The following ASXL2 variants were observed in gnomAD, a reference collection of about 807,000 sequenced individuals.
The protein encoded by ASXL2 is ASXL transcriptional regulator 2, also known as putative Polycomb group protein ASXL2.
Under a neutral mutation model 122.0 loss-of-function variants are expected in ASXL2, and 23 were observed. The observed-to-expected ratio is 0.19, with a 90% CI of 0.14 to 0.27. The LOEUF (loss-of-function observed/expected upper bound fraction) is 0.27, where lower values mean the gene tolerates loss of function less well. Ranked by LOEUF, ASXL2 falls within the 10% of genes least tolerant of loss-of-function variation. The pLI is 1.00. For synonymous variants in ASXL2, 650 were observed against 637.0 expected, an observed-to-expected ratio of 1.02 and a Z score of -0.31; for missense variants, 1,518 against 1,713.8, an observed-to-expected ratio of 0.89 and a Z score of 2.02.
intron 5 of ASXL2, among the ~76,000 whole-genome samples, chr2:25,789,011 G>A (rs1423902573): frequency 6.6e-6 from 1 of 151,536 alleles, no homozygotes; most frequent in Non-Finnish European, 1.5e-5. Flanking sequence ...ATATTTTCTT[G>A]GCTTTTCTGA....
Position 25,747,798 on chromosome 2 carries a change from G to A in ASXL2, c.1860+1898C>T, listed in dbSNP as rs564647233. Among the ~76,000 whole-genome samples the A allele has an allele frequency of 1.2e-4, 19 of 152,072 alleles. No individual in the cohort carries two copies. In the East Asian group the frequency reaches 2.7e-3, roughly 22 times the overall value. On this transcript the variant is annotated intron_variant, in intron 12 of 12. Transcript: ENST00000435504. ...TATAATAAAAATCAGAATCTCTGGC[G>A]ATGCATGTTAATGGTAGAAAAAAAA... is the stretch of plus-strand genomic sequence containing the variant.
rs1293416565 is a variant in ASXL2 at position 25,736,089 on chromosome 2, T to G, written c.*5940A>C. 6.6e-6 allele frequency: 1 copy of G among 152,230 alleles called. No individual in the cohort carries two copies. The highest frequency in any genetic ancestry group is 2.4e-5 in the African/African-American group (1 of 41,468). 9.4% of individuals were successfully genotyped at this position (152,230 alleles called of 1,614,324 possible). ...TGCACAGTAGGTGCTCTATAAATAC[T>G]TGAATTAGTAAATAACATGATTTGT... On this transcript the variant is annotated 3_prime_UTR_variant, in exon 13 of 13. Coordinates refer to ENST00000435504, the MANE Select transcript of ASXL2 (RefSeq NM_018263.6).
chr2:25,739,368 TG>T lies in ASXL2; in HGVS notation c.*2660del. On this transcript the variant is annotated 3_prime_UTR_variant, in exon 13 of 13. Coordinates refer to ENST00000435504, the MANE Select transcript of ASXL2 (RefSeq NM_018263.6). ...TTTTCTAAAAGGCCAGATTGTAATG[TG>T]TTTTTTTTTTTTTTAATTTTTCTGT... is the stretch of plus-strand genomic sequence containing the variant. 1 of 174,406 alleles carries T rather than the reference TG, an allele frequency of 5.7e-6. No individual in the cohort carries two copies. The highest frequency in any genetic ancestry group is 1.2e-5 in the Non-Finnish European group (1 of 81,456). The allele number at this position is 174,406 out of a possible 1,614,324, so 10.8% of individuals were successfully genotyped here. A position where few individuals can be genotyped will look rare whatever the true frequency, so the allele number is the denominator to read the frequency against.
rs143352675 is a variant in ASXL2, at chr2:25,856,363, C to T, written c.58-10800G>A. 81 of 235,922 alleles carry T rather than the reference C, an allele frequency of 3.4e-4. 2 individuals are homozygous for T. Among genetic ancestry groups the T allele is most frequent in the African/African-American group, 4.9e-4 (10 of 20,488 alleles). 14.6% of individuals were successfully genotyped at this position (235,922 alleles called of 1,614,324 possible). A position where few individuals can be genotyped will look rare whatever the true frequency, so the allele number is the denominator to read the frequency against. ...TGAGCCACTGCTCACCTGGCCTATA[C>T]TTTTTTTTTTTTTTTTTTTTTGACA... On this transcript the variant is annotated intron_variant, in intron 1 of 12. Coordinates refer to ENST00000435504, the MANE Select transcript of ASXL2 (RefSeq NM_018263.6).
At position 25,845,580 on chromosome 2, in the gene ASXL2, T is replaced by C. The variant is rs780426661; in HGVS notation, c.58-17A>G. 1.9e-6 allele frequency: 2 copies of C among 1,050,752 alleles called. No homozygotes were observed. Among genetic ancestry groups the C allele is most frequent in the Admixed American group, 3.6e-5 (1 of 27,466 alleles). 65.1% of individuals were successfully genotyped at this position (1,050,752 alleles called of 1,614,324 possible). On this transcript the variant is annotated splice_polypyrimidine_tract_variant and intron_variant, in intron 1 of 12. Coordinates refer to ENST00000435504, the MANE Select transcript of ASXL2 (RefSeq NM_018263.6). ...TTCTAAGACCTGAAAAACAAGTATA[T>C]AATAATAAATTATTTCTTATTTCAA...
At chr2:25,829,249 G>A (rs115941755) in intron 3 of ASXL2, among the ~76,000 whole-genome samples, 241 of 151,934 alleles carry the variant, frequency 1.6e-3, no homozygotes, top group African/African-American at 5.7e-3. Context: ...GACAAACAGA[G>A]AGACAGAGAC....
rs200004719 is a variant in ASXL2, at chr2:25,735,252, A to T, written c.*6777T>A. On this transcript the variant is annotated 3_prime_UTR_variant, in exon 13 of 13. Transcript: ENST00000435504. ...AGTCTATACAGTCTCTATGAAAAAC[A>T]AAAGCAAAACTCAATCTATTATTAA... 1 of 152,228 alleles carries T rather than the reference A, an allele frequency of 6.6e-6. No individual in the cohort carries two copies. The highest frequency in any genetic ancestry group is 1.9e-4 in the East Asian group (1 of 5,200). 9.4% of individuals were successfully genotyped at this position (152,228 alleles called of 1,614,324 possible).
chr2:25,786,816 C>G (rs2088756169), intron 5 of ASXL2, among the ~76,000 whole-genome samples: 1 of 152,030 alleles, frequency 6.6e-6, no homozygotes, highest in South Asian at 2.1e-4. Context: ...GATCACACCA[C>G]TGCACTCCAG....
chr2:25,754,288 C>T (rs965853340), intron 10 of ASXL2, among the ~76,000 whole-genome samples: 1 of 152,208 alleles, frequency 6.6e-6, no homozygotes, highest in African/African-American at 2.4e-5. Context: ...CCTTCCCACT[C>T]CATCAGCAGA....
At chr2:25,803,511 G>C (rs935003089) in intron 4 of ASXL2, among the ~76,000 whole-genome samples, 1 of 152,192 alleles carries the variant, frequency 6.6e-6, no homozygotes, top group African/African-American at 2.4e-5. Flanking sequence ...ACTGTCTCCA[G>C]ATAGATAGAT....
chr2:25,758,761 A>C (rs2088185040), intron 9 of ASXL2, among the ~76,000 whole-genome samples: 2 of 151,736 alleles, frequency 1.3e-5, no homozygotes, highest in Admixed American at 1.3e-4. Context: ...TCTTAGCAAA[A>C]TGTAACAAAA....
intron 6 of ASXL2, among the ~76,000 whole-genome samples, chr2:25,769,847 C>T (rs1008697827): frequency 6.6e-6 from 1 of 152,164 alleles, no homozygotes; most frequent in Non-Finnish European, 1.5e-5. Context: ...ACATTTCACA[C>T]GTATCTCTGG....
intron 8 of ASXL2, among the ~76,000 whole-genome samples, chr2:25,765,990 T>A (rs2088343609): frequency 6.6e-6 from 1 of 152,172 alleles, no homozygotes. Context: ...AAGGTTTTTT[T>A]ATTTTTTATT....
chr2:25,864,256 T>A (rs1384970070), intron 1 of ASXL2, among the ~76,000 whole-genome samples: 2 of 152,126 alleles, frequency 1.3e-5, no homozygotes, highest in Non-Finnish European at 2.9e-5. Context: ...GCCTTCAATT[T>A]ACCTTACTGG....
intron 5 of ASXL2, among the ~76,000 whole-genome samples, chr2:25,773,440 C>T (rs1233339927): frequency 4.6e-5 from 7 of 151,780 alleles, no homozygotes; most frequent in South Asian, 4.1e-4. Flanking sequence ...CCAAGGCGGG[C>T]GGATCACAAG....
Position 25,742,847 on chromosome 2 carries a change from T to C in ASXL2, c.3490A>G (p.Thr1164Ala), listed in dbSNP as rs2087856452. The change falls in exon 13 of 13, where the codon ACA (threonine) becomes GCA (alanine). Residue 1164 changes from threonine to alanine, a missense_variant. Physicochemically the swap from Thr to Ala is moderately conservative, Grantham distance 58 (BLOSUM62 0). Around this residue, in one of 8 missense-constraint regions of ASXL2, gnomAD observed 831 missense variants for 833.1 expected, o/e 1.00. Transcript: ENST00000435504. ...SPTEALKMGY[T>A]DCKNATGESS... is the part of the protein sequence containing the mutation. ...TCTCCTGTTGCATTTTTACAGTCTG[T>C]ATATCCCATTTTCAAGGCTTCAGTG... The C allele has an allele frequency of 6.2e-7, 1 of 1,614,014 alleles. No homozygotes were observed. The highest frequency in any genetic ancestry group is 8.5e-7 in the Non-Finnish European group (1 of 1,179,890).
chr2:25,856,366 T>C (rs1352896188), intron 1 of ASXL2: 6 of 322,826 alleles, frequency 1.9e-5, no homozygotes, highest in Non-Finnish European at 2.7e-5. Context: ...GCCTATACTT[T>C]TTTTTTTTTT....
chr2:25,753,761 T>C (rs1466049921), intron 10 of ASXL2, 122 bp from the exon 11 acceptor site: 7 of 703,320 alleles, frequency 1.0e-5, no homozygotes, highest in Non-Finnish European at 1.7e-5. Context: ...TAACAGAAAC[T>C]CCTCAAACCT....
chr2:25,806,764 T>C (rs919688576), intron 3 of ASXL2, among the ~76,000 whole-genome samples: 64 of 152,166 alleles, frequency 4.2e-4, no homozygotes, highest in African/African-American at 1.5e-3. Flanking sequence ...AACTAACACA[T>C]TGCCATTGTC....
Sources: allele counts gnomAD v4.1 joint callset (sites outside exome capture counted in the v4.1 genomes callset), GRCh38; gene constraint gnomAD v4.1.1; regional missense constraint gnomAD v4.1.1; transcripts MANE v1.5; gene names NCBI Gene and HGNC (gene_info 2026-07-23, HGNC 2026-07-21).